The following TMEM233 variants were observed in gnomAD, a reference collection of about 807,000 sequenced individuals.
TMEM233 encodes the protein dispanin subfamily B member 2.
TMEM233 carries 6 observed loss-of-function variants against 11.2 expected under a neutral mutation model. That is an observed-to-expected ratio of 0.54 (90% CI 0.29 to 1.06). TMEM233 has a LOEUF of 1.06. TMEM233 is among the 50% of genes least tolerant of loss of function. The probability of loss-of-function intolerance (pLI) is 0.08; values close to 1 mark genes in which losing one functional copy is unlikely to be tolerated. For synonymous variants in TMEM233, 59 were observed against 55.8 expected, an observed-to-expected ratio of 1.06 and a Z score of -0.26; for missense variants, 127 against 144.7, an observed-to-expected ratio of 0.88 and a Z score of 0.63.
chr12:119,644,444 G>A (rs1464182518), downstream of TMEM233, among the ~76,000 whole-genome samples: 1 of 151,528 alleles, frequency 6.6e-6, no homozygotes, highest in Non-Finnish European at 1.5e-5. Context: ...CCATATGCAG[G>A]GCAAAGTAAT....
intron 1 of TMEM233, among the ~76,000 whole-genome samples, chr12:119,604,746 A>G (rs1954233477): frequency 6.6e-6 from 1 of 152,038 alleles, no homozygotes; most frequent in African/African-American, 2.4e-5. Flanking sequence ...CGATACTCAC[A>G]CTTCAGTCTC....
intron 2 of TMEM233, among the ~76,000 whole-genome samples, chr12:119,633,314 T>G (rs937927539): frequency 2.0e-5 from 3 of 152,208 alleles, no homozygotes; most frequent in Admixed American, 2.0e-4. Context: ...GCACAGTGGC[T>G]GATGCCTATA....
At chr12:119,603,056 A>G (rs1954198514) in intron 1 of TMEM233, among the ~76,000 whole-genome samples, 1 of 152,192 alleles carries the variant, frequency 6.6e-6, no homozygotes, top group African/African-American at 2.4e-5. Context: ...GAAGCTCGAG[A>G]CAAACCTGGG....
Position 119,594,794 on chromosome 12 carries a change from C to A in TMEM233, c.186+760C>A, listed in dbSNP as rs1320057166. ...AGGCCTTTCTTAGGCTCCCCGTGTGCCCCCCTCACCAGCAAAGTGGGTGCG... is the reference window on the plus strand; with the variant it reads ...AGGCCTTTCTTAGGCTCCCCGTGTGACCCCCTCACCAGCAAAGTGGGTGCG... On this transcript the variant is annotated intron_variant, in intron 1 of 2. Transcript: ENST00000426426. The surrounding 1 kb of genome is among the most constrained non-coding windows in gnomAD (Gnocchi z 5.6). Among the ~76,000 whole-genome samples the A allele has an allele frequency of 6.6e-6, 1 of 152,096 alleles. No individual in the cohort carries two copies. Among genetic ancestry groups the A allele is most frequent in the East Asian group, 1.9e-4 (1 of 5,168 alleles).
intron 2 of TMEM233, among the ~76,000 whole-genome samples, chr12:119,630,688 T>G (rs1228474723): frequency 6.6e-6 from 1 of 152,178 alleles, no homozygotes; most frequent in East Asian, 1.9e-4. Flanking sequence ...CACATGGGCT[T>G]TTTACTGCCT....
At chr12:119,599,871 A>G (rs1954123952) in intron 1 of TMEM233, among the ~76,000 whole-genome samples, 1 of 152,190 alleles carries the variant, frequency 6.6e-6, no homozygotes, top group Non-Finnish European at 1.5e-5. Flanking sequence ...CACCAGGCAC[A>G]GCTGAGAGAA....
chr12:119,653,993 C>A, the TMEM233 span, among the ~76,000 whole-genome samples: 18 of 149,030 alleles, frequency 1.2e-4, no homozygotes, highest in Non-Finnish European at 2.4e-4. Context: ...AAACAAAAAC[C>A]CAATCAGGAT....
intron 2 of TMEM233, among the ~76,000 whole-genome samples, chr12:119,636,444 A>G (rs1427497473): frequency 6.6e-6 from 1 of 152,128 alleles, no homozygotes; most frequent in Non-Finnish European, 1.5e-5. Flanking sequence ...GCTTCCCTGG[A>G]AAGTTTACAC....
rs187146161 is a variant in TMEM233, at chr12:119,594,731, T to G, written c.186+697T>G. Among the ~76,000 whole-genome samples the G allele has an allele frequency of 1.8e-3, 271 of 152,284 alleles. 3 individuals carry two copies. The highest frequency in any genetic ancestry group is 3.5e-3 in the Non-Finnish European group (236 of 68,020). On this transcript the variant is annotated intron_variant, in intron 1 of 2. Coordinates refer to ENST00000426426, the MANE Select transcript of TMEM233 (RefSeq NM_001136534.3). The surrounding 1 kb of genome is among the most constrained non-coding windows in gnomAD (Gnocchi z 5.6). The stretch of plus-strand genomic sequence containing the variant: ...TTGCCTCCCTCCGGCGCCCCCTTTT[T>G]AACGCGCCCGAGGCTGGCTCACACC...
chr12:119,635,524 C>T (rs1199814470), intron 2 of TMEM233, among the ~76,000 whole-genome samples: 1 of 152,176 alleles, frequency 6.6e-6, no homozygotes, highest in Non-Finnish European at 1.5e-5. Flanking sequence ...CAACACACAG[C>T]TGTGAGCAGG....
the TMEM233 span, among the ~76,000 whole-genome samples, chr12:119,653,519 A>G: frequency 1.3e-5 from 2 of 152,070 alleles, no homozygotes; most frequent in African/African-American, 4.8e-5. Context: ...AAGTAGGCAA[A>G]TATTTTACAA....
downstream of TMEM233, among the ~76,000 whole-genome samples, chr12:119,644,473 CTTTTCTTTT>C (rs1955125873): frequency 1.4e-5 from 2 of 139,930 alleles, no homozygotes; most frequent in Non-Finnish European, 3.1e-5. Flanking sequence ...TTTTCTTTTT[CTTTTCTTTT>C]TTTTTTTTTT....
At chr12:119,616,387 G>C (rs565506247) in intron 1 of TMEM233, among the ~76,000 whole-genome samples, 1 of 152,350 alleles carries the variant, frequency 6.6e-6, no homozygotes, top group South Asian at 2.1e-4. Flanking sequence ...AAACCAGAAA[G>C]AAACTGAAGT....
intron 2 of TMEM233, among the ~76,000 whole-genome samples, chr12:119,639,885 A>C (rs1955047571): frequency 6.6e-6 from 1 of 152,236 alleles, no homozygotes; most frequent in Admixed American, 6.5e-5. Context: ...TCAGCACCTA[A>C]AGCAGTGCCC....
chr12:119,603,704 C>A (rs56413127), intron 1 of TMEM233, among the ~76,000 whole-genome samples: 1 of 152,316 alleles, frequency 6.6e-6, no homozygotes, highest in Non-Finnish European at 1.5e-5. Context: ...TACTTCCTTG[C>A]ACTGATTTGT....
chr12:119,606,497 T>C (rs771379975), intron 1 of TMEM233, among the ~76,000 whole-genome samples: 3 of 152,208 alleles, frequency 2.0e-5, no homozygotes, highest in Non-Finnish European at 4.4e-5. Flanking sequence ...TAGAAGACGT[T>C]GTTTGAAGAA....
At chr12:119,635,452 CA>C (rs1797647011) in intron 2 of TMEM233, among the ~76,000 whole-genome samples, 1 of 152,186 alleles carries the variant, frequency 6.6e-6, no homozygotes, top group East Asian at 1.9e-4. Flanking sequence ...TGCCAACAAA[CA>C]AGACTTTTTG....
intron 2 of TMEM233, among the ~76,000 whole-genome samples, chr12:119,636,151 G>A (rs1026191042): frequency 2.6e-5 from 4 of 152,044 alleles, no homozygotes; most frequent in Non-Finnish European, 4.4e-5. Flanking sequence ...GGTTCCCCTG[G>A]CAACCCACTC....
intron 1 of TMEM233, among the ~76,000 whole-genome samples, chr12:119,607,354 G>A (rs1401338769): frequency 2.6e-5 from 4 of 152,092 alleles, no homozygotes; most frequent in South Asian, 2.1e-4. Context: ...TGGCGCAATC[G>A]GTTAGCGCGC....
Sources: gnomAD v4.1 joint callset for allele counts (sites outside exome capture counted in the v4.1 genomes callset) on GRCh38, gnomAD v4.1.1 for gene constraint, Gnocchi (gnomAD v3.1) non-coding constraint, MANE v1.5 for transcripts, NCBI Gene and HGNC (gene_info 2026-07-23, HGNC 2026-07-21) for gene names.